COL4A4: variants seen among roughly 807,000 people sequenced by gnomAD.
The protein encoded by COL4A4 is collagen type IV alpha 4 chain.
In COL4A4, 105 loss-of-function variants were observed where a neutral mutation model predicts 192.9. That is an observed-to-expected ratio of 0.54 (90% CI 0.46 to 0.64). COL4A4 has a LOEUF of 0.64. Among genes scored for constraint, COL4A4 ranks in the 30% least tolerant of loss-of-function variants. The pLI, the probability that COL4A4 is intolerant of heterozygous loss-of-function variation, is 0.00. For synonymous variants in COL4A4, 762 were observed against 769.9 expected (o/e 0.99, Z 0.17); for missense variants, 1,967 against 2,169.3 (o/e 0.91, Z 1.85).
chr2:227,115,835 TTAAA>T (rs1195873226), intron 7 of COL4A4, among the ~76,000 whole-genome samples: 2 of 152,198 alleles, frequency 1.3e-5, no homozygotes, highest in Non-Finnish European at 2.9e-5. Flanking sequence ...CATAGTTAAG[TTAAA>T]TAACACCAGT....
intron 16 of COL4A4, 151 bp downstream of exon 16, chr2:227,101,714 T>G: frequency 9.5e-7 from 1 of 1,051,630 alleles, no homozygotes; most frequent in Non-Finnish European, 1.4e-6. Flanking sequence ...CTTCAATTTT[T>G]GCACCCACAG....
chr2:227,144,622 AAGAGTAAAGG>A, intron 2 of COL4A4, 64 bp from the exon 3 acceptor site: 1 of 1,320,566 alleles, frequency 7.6e-7, no homozygotes, highest in South Asian at 1.2e-5. Flanking sequence ...CAAAAAGAAA[AAGAGTAAAGG>A]AATTAATTCC....
chr2:227,119,868 A>C (rs920913874), intron 6 of COL4A4, 27 bp downstream of exon 6: 12 of 1,560,162 alleles, frequency 7.7e-6, no homozygotes, highest in Non-Finnish European at 9.6e-6. Flanking sequence ...TTTTTGAAAA[A>C]AGTGGAGAAA....
chr2:227,024,835 T>C (rs989081958), intron 43 of COL4A4, among the ~76,000 whole-genome samples: 1 of 152,260 alleles, frequency 6.6e-6, no homozygotes, highest in Non-Finnish European at 1.5e-5. Flanking sequence ...AGGCATCTTC[T>C]ATTTTCCATG....
chr2:226,988,991 C>T, the COL4A4 span, among the ~76,000 whole-genome samples: 1 of 152,204 alleles, frequency 6.6e-6, no homozygotes, highest in African/African-American at 2.4e-5. Flanking sequence ...GACCCTGTCT[C>T]CAAGTCGTAA....
chr2:226,981,442 A>C, the COL4A4 span, among the ~76,000 whole-genome samples: 1 of 152,012 alleles, frequency 6.6e-6, no homozygotes, highest in East Asian at 1.9e-4. Flanking sequence ...CTTCAAAAAA[A>C]AAAAAAAGAT....
At chr2:227,043,292 T>A in intron 35 of COL4A4, 108 bp from the exon 36 acceptor site, 2 of 921,480 alleles carry the variant, frequency 2.2e-6, no homozygotes, top group Non-Finnish European at 3.5e-6. Flanking sequence ...TTTTTAGTTT[T>A]AAATAGTTTC....
intron 4 of COL4A4, among the ~76,000 whole-genome samples, chr2:227,127,134 C>A (rs2062136125): frequency 6.6e-6 from 1 of 152,230 alleles, no homozygotes; most frequent in South Asian, 2.1e-4. Flanking sequence ...GAAAAACCAC[C>A]CAGTGGAATG....
At chr2:227,109,318 C>T (rs1159786966) in intron 9 of COL4A4, 32 bp from the exon 10 acceptor site, 3 of 1,567,948 alleles carry the variant, frequency 1.9e-6, no homozygotes, top group Admixed American at 3.3e-5. Context: ...GCATCTGTTA[C>T]CCAAAATTGT....
At position 227,129,383 on chromosome 2, in the gene COL4A4, T is replaced by G. The variant is rs557081159; in HGVS notation, c.193-8235A>C. ...CTTGTGCATGCTACTTTGCTTAATA[T>G]CTGCTTGGGGTGATGTCTTCTAGTA... On this transcript the variant is annotated intron_variant, in intron 4 of 47. Coordinates refer to ENST00000396625, the MANE Select transcript of COL4A4 (RefSeq NM_000092.5). 5.9e-5 allele frequency among the ~76,000 whole-genome samples: 9 copies of G among 151,876 alleles called. No homozygotes were observed. The South Asian group carries it at 1.9e-3, about 32-fold the overall frequency.
chr2:227,067,440 A>G (rs1370779709), intron 25 of COL4A4, among the ~76,000 whole-genome samples: 1 of 152,242 alleles, frequency 6.6e-6, no homozygotes, highest in East Asian at 1.9e-4. Context: ...CACCACACCT[A>G]TTCCAAAATT....
intron 14 of COL4A4, 120 bp from the exon 15 acceptor site, chr2:227,102,968 T>A: frequency 1.7e-6 from 2 of 1,202,036 alleles, no homozygotes; most frequent in Non-Finnish European, 2.5e-6. Context: ...TGTCAGCAGC[T>A]TAAAGAAAAC....
intron 1 of COL4A4, among the ~76,000 whole-genome samples, chr2:227,148,114 CAT>C (rs1382416486): frequency 6.6e-6 from 1 of 152,174 alleles, no homozygotes; most frequent in South Asian, 2.1e-4. Context: ...AAAAGTTAAA[CAT>C]AGAGTTACTA....
At chr2:226,970,622 C>A in the COL4A4 span, among the ~76,000 whole-genome samples, 1 of 152,204 alleles carries the variant, frequency 6.6e-6, no homozygotes, top group Non-Finnish European at 1.5e-5. Flanking sequence ...TAGCGAGAGG[C>A]ACTCACCACC....
chr2:227,117,216 A>G (rs2061534675), intron 7 of COL4A4, among the ~76,000 whole-genome samples: 1 of 152,208 alleles, frequency 6.6e-6, no homozygotes, highest in Admixed American at 6.5e-5. Context: ...GTTGCTTTGC[A>G]AAGAGACCAT....
At chr2:227,138,550 G>A (rs1252338185) in intron 4 of COL4A4, among the ~76,000 whole-genome samples, 3 of 150,894 alleles carry the variant, frequency 2.0e-5, no homozygotes, top group Non-Finnish European at 3.0e-5. Flanking sequence ...GGAGAATGGC[G>A]TGAACCTGAG....
At chr2:227,106,685 C>T (rs1229572097) in intron 12 of COL4A4, among the ~76,000 whole-genome samples, 1 of 152,190 alleles carries the variant, frequency 6.6e-6, no homozygotes, top group Non-Finnish European at 1.5e-5. Flanking sequence ...CCTGCCTCAG[C>T]CTCCCAAGTA....
the COL4A4 span, among the ~76,000 whole-genome samples, chr2:226,974,598 G>A: frequency 1.3e-5 from 2 of 152,062 alleles, no homozygotes; most frequent in Non-Finnish European, 2.9e-5. Flanking sequence ...TCACTTTTTC[G>A]TTGAACAAGG....
intron 43 of COL4A4, chr2:227,022,404 G>A (rs1172997691): frequency 1.3e-6 from 1 of 743,704 alleles, no homozygotes. Context: ...AGAATGTCGG[G>A]CTGACCGAAT....
Sources: gnomAD v4.1 joint callset for allele counts (sites outside exome capture counted in the v4.1 genomes callset) on GRCh38, gnomAD v4.1.1 for gene constraint, MANE v1.5 for transcripts, NCBI Gene and HGNC (gene_info 2026-07-23, HGNC 2026-07-21) for gene names.